The following DEFB134 variants were observed in gnomAD, a reference collection of about 807,000 sequenced individuals.
The protein encoded by DEFB134 is defensin beta 134, also known as beta-defensin 134.
In DEFB134, 7 loss-of-function variants were observed where a neutral mutation model predicts 7.4. The ratio of observed to expected loss-of-function variants is 0.95; its 90% CI spans 0.54 to 1.79. The LOEUF (loss-of-function observed/expected upper bound fraction) is 1.79. Ranked by LOEUF, DEFB134 falls within the 40% of genes most tolerant of loss-of-function variation. The probability of loss-of-function intolerance (pLI) is 0.00; values close to 1 mark genes in which losing one functional copy is unlikely to be tolerated. For synonymous variants in DEFB134, 33 were observed against 25.0 expected (o/e 1.32, Z -0.96); for missense variants, 105 against 74.8 (o/e 1.40, Z -1.49).
chr8:11,995,675 C>T (rs531143153), intron 1 of DEFB134, among the ~76,000 whole-genome samples: 3 of 152,300 alleles, frequency 2.0e-5, no homozygotes, highest in Admixed American at 2.0e-4. Flanking sequence ...CTGTAGGAAA[C>T]TGCAGTATAT....
upstream of DEFB134, among the ~76,000 whole-genome samples, chr8:11,998,930 C>T (rs147775833): frequency 6.6e-6 from 1 of 152,254 alleles, no homozygotes; most frequent in African/African-American, 2.4e-5. Flanking sequence ...TGCTACAAAG[C>T]CTAGAAGAAA....
chr8:11,994,862 TGAGA>T (rs1258006359), intron 1 of DEFB134, among the ~76,000 whole-genome samples: 1 of 152,138 alleles, frequency 6.6e-6, no homozygotes, highest in South Asian at 2.1e-4. Context: ...AAAATATCTC[TGAGA>T]GAGGAAAAAA....
upstream of DEFB134, among the ~76,000 whole-genome samples, chr8:11,998,806 A>G (rs1015381160): frequency 1.3e-5 from 2 of 152,140 alleles, no homozygotes; most frequent in Non-Finnish European, 2.9e-5. Flanking sequence ...TAGCTAGACT[A>G]AAAAAAGAAG....
intron 1 of DEFB134, among the ~76,000 whole-genome samples, chr8:11,995,561 A>C (rs1800096732): frequency 6.6e-6 from 1 of 152,194 alleles, no homozygotes; most frequent in African/African-American, 2.4e-5. Flanking sequence ...ATCTCATCTG[A>C]TCAGGCATTT....
At chr8:11,997,958 C>A (rs943782727), upstream of DEFB134, among the ~76,000 whole-genome samples, 43 of 152,162 alleles carry the variant, frequency 2.8e-4, 1 homozygote, top group African/African-American at 9.9e-4. Context: ...TAAGATCAAC[C>A]ACATGCTTGG....
intron 1 of DEFB134, among the ~76,000 whole-genome samples, chr8:11,995,697 C>A (rs771340441): frequency 3.9e-4 from 60 of 152,272 alleles, no homozygotes; most frequent in Admixed American, 6.5e-4. Flanking sequence ...AGAAAATTAA[C>A]AAATTGTGTT....
At chr8:11,997,240 T>G (rs534449707), upstream of DEFB134, among the ~76,000 whole-genome samples, 1 of 152,354 alleles carries the variant, frequency 6.6e-6, no homozygotes, top group East Asian at 1.9e-4. Flanking sequence ...CTTGCTATAA[T>G]ATGAATTAGT....
intron 1 of DEFB134, among the ~76,000 whole-genome samples, 158 bp from the exon 3 acceptor site, chr8:11,994,280 G>T (rs976451813): frequency 6.6e-6 from 1 of 152,118 alleles, no homozygotes; most frequent in Admixed American, 6.5e-5. Flanking sequence ...GGGCTGAATT[G>T]TGTCACCCCA....
At chr8:11,993,948 A>C in exon 2 of DEFB134, 2 of 1,607,262 alleles carry the variant, frequency 1.2e-6, no homozygotes, top group Non-Finnish European at 8.5e-7. Flanking sequence ...TCAAGGGCCT[A>C]CAGGATAGTG....
chr8:11,998,548 TAA>T (rs1281820176), upstream of DEFB134, among the ~76,000 whole-genome samples: 6 of 152,176 alleles, frequency 3.9e-5, no homozygotes, highest in Non-Finnish European at 5.9e-5. Flanking sequence ...AAAGCAGTGT[TAA>T]GAGGAACATT....
upstream of DEFB134, among the ~76,000 whole-genome samples, chr8:12,000,117 C>G (rs910434331): frequency 1.5e-4 from 23 of 152,200 alleles, no homozygotes; most frequent in African/African-American, 5.3e-4. Context: ...AAATGACAAT[C>G]CTAATAAACA....
At chr8:11,999,200 TGAGGGC>T (rs1800206415), upstream of DEFB134, 1 of 198,976 alleles carries the variant, frequency 5.0e-6, no homozygotes. Context: ...AACCAGCCAG[TGAGGGC>T]GTGGGTTCAT....
chr8:11,999,357 G>T, upstream of DEFB134: 1 of 215,632 alleles, frequency 4.6e-6, no homozygotes, highest in South Asian at 8.6e-5. Context: ...GTGGGATACT[G>T]GCATTGCCCA....
chr8:11,994,039 A>T, exon 2 of DEFB134: 1 of 1,613,984 alleles, frequency 6.2e-7, no homozygotes. Context: ...TAGGCAACTA[A>T]CATTTCACTC....
upstream of DEFB134, among the ~76,000 whole-genome samples, chr8:12,000,639 A>C (rs965180796): frequency 3.9e-5 from 6 of 152,222 alleles, no homozygotes; most frequent in Non-Finnish European, 7.3e-5. Context: ...CAATTATAAC[A>C]ATATGCTATC....
At chr8:11,998,060 G>A (rs1046566708), upstream of DEFB134, among the ~76,000 whole-genome samples, 1 of 152,150 alleles carries the variant, frequency 6.6e-6, no homozygotes, top group Non-Finnish European at 1.5e-5. Context: ...ATACCAAGAA[G>A]ATCTCTCAAA....
At chr8:12,000,086 G>T (rs1800232184), upstream of DEFB134, among the ~76,000 whole-genome samples, 1 of 152,214 alleles carries the variant, frequency 6.6e-6, no homozygotes, top group Admixed American at 6.5e-5. Flanking sequence ...GAGCCATACA[G>T]ATTCAATATG....
chr8:12,000,562 C>A (rs1800243608), upstream of DEFB134, among the ~76,000 whole-genome samples: 2 of 152,016 alleles, frequency 1.3e-5, no homozygotes, highest in South Asian at 4.2e-4. Flanking sequence ...TACATGCAGA[C>A]CTATGATAAA....
Position 11,996,184 on chromosome 8 carries a change from C to T in DEFB134, c.58+10G>A, listed in dbSNP as rs1313376033. On this transcript the variant is annotated intron_variant, in intron 1 of 1. Transcript: ENST00000526438. ...AAGCACCCCTACCCCCCAAAATATG[C>T]CAGTTTTACCTGCCAGCACTGGATC... The T allele has an allele frequency of 1.2e-6, 2 of 1,613,346 alleles. No individual in the cohort carries two copies. The highest frequency in any genetic ancestry group is 1.1e-5 in the South Asian group (1 of 91,024).
Sources: allele counts gnomAD v4.1 joint callset (sites outside exome capture counted in the v4.1 genomes callset), GRCh38; gene constraint gnomAD v4.1.1; transcripts MANE v1.5; gene names NCBI Gene and HGNC (gene_info 2026-07-23, HGNC 2026-07-21).